Variants in KIAA1549L observed in about 807,000 individuals in gnomAD.
The protein encoded by KIAA1549L is UPF0606 protein KIAA1549L.
A neutral mutation model predicts 160.7 loss-of-function variants in KIAA1549L; 88 were observed. That is an observed-to-expected ratio of 0.55 (90% CI 0.46 to 0.65). KIAA1549L has a LOEUF of 0.65. Among genes scored for constraint, KIAA1549L ranks in the 30% least tolerant of loss-of-function variants. The probability of loss-of-function intolerance (pLI) is 0.00; values close to 1 mark genes in which losing one functional copy is unlikely to be tolerated. For synonymous variants in KIAA1549L, 950 were observed against 976.7 expected, an observed-to-expected ratio of 0.97 and a Z score of 0.51; for missense variants, 2,258 against 2,437.5, an observed-to-expected ratio of 0.93 and a Z score of 1.55.
intron 12 of KIAA1549L, among the ~76,000 whole-genome samples, chr11:33,595,308 C>T (rs990264044): frequency 1.3e-5 from 2 of 152,188 alleles, no homozygotes; most frequent in Non-Finnish European, 2.9e-5. Flanking sequence ...CTCACTGCAA[C>T]CTCTGCCTCC....
chr11:33,564,383 GAC>G (rs1854977350), intron 8 of KIAA1549L, among the ~76,000 whole-genome samples: 1 of 152,198 alleles, frequency 6.6e-6, no homozygotes, highest in South Asian at 2.1e-4. Context: ...ATAAAAGCCT[GAC>G]ATGTTTTCAT....
At chr11:33,455,406 C>T (rs1042673331) in intron 1 of KIAA1549L, among the ~76,000 whole-genome samples, 4 of 152,118 alleles carry the variant, frequency 2.6e-5, no homozygotes, top group African/African-American at 9.7e-5. Flanking sequence ...GCAGAAAATA[C>T]TTTTGGACAT....
chr11:33,480,805 G>T (rs898664845), intron 1 of KIAA1549L, among the ~76,000 whole-genome samples: 2 of 152,192 alleles, frequency 1.3e-5, no homozygotes, highest in East Asian at 1.9e-4. Context: ...TGCCAAGGCT[G>T]GGGGCCTTAT....
intron 10 of KIAA1549L, among the ~76,000 whole-genome samples, chr11:33,579,201 A>G (rs1157906440): frequency 1.3e-5 from 2 of 152,178 alleles, no homozygotes; most frequent in African/African-American, 2.4e-5. Flanking sequence ...AGAGCTACAT[A>G]GGAGATTAAA....
intron 1 of KIAA1549L, among the ~76,000 whole-genome samples, chr11:33,475,806 G>A (rs1852273850): frequency 2.0e-5 from 3 of 152,230 alleles, no homozygotes; most frequent in East Asian, 3.9e-4. Flanking sequence ...GCAGTGAACT[G>A]TGATTGTGCC....
intron 1 of KIAA1549L, among the ~76,000 whole-genome samples, chr11:33,416,786 C>G (rs1850897808): frequency 6.6e-6 from 1 of 152,186 alleles, no homozygotes; most frequent in African/African-American, 2.4e-5. Flanking sequence ...AGCCAACTAA[C>G]TCTTACCAGC....
At chr11:33,553,025 G>A (rs1485040787) in intron 6 of KIAA1549L, among the ~76,000 whole-genome samples, 1 of 152,222 alleles carries the variant, frequency 6.6e-6, no homozygotes, top group Non-Finnish European at 1.5e-5. Context: ...GAGGAAGTAA[G>A]AGATGAGGTT....
At chr11:33,629,463 A>T (rs529952237) in intron 16 of KIAA1549L, among the ~76,000 whole-genome samples, 1 of 151,954 alleles carries the variant, frequency 6.6e-6, no homozygotes, top group Non-Finnish European at 1.5e-5. Flanking sequence ...ATAGTCCCAT[A>T]TTTCTTGGAG....
At chr11:33,492,164 C>T (rs1031419248) in intron 1 of KIAA1549L, among the ~76,000 whole-genome samples, 2 of 152,026 alleles carry the variant, frequency 1.3e-5, no homozygotes, top group Non-Finnish European at 1.5e-5. Context: ...GTCAGGAGTT[C>T]GAGACAAGCC....
intron 18 of KIAA1549L, 60 bp downstream of exon 18, chr11:33,656,169 C>T: frequency 7.7e-7 from 1 of 1,302,758 alleles, no homozygotes; most frequent in African/African-American, 1.5e-5. Flanking sequence ...GTCCTATGTA[C>T]CCTGACCTGA....
intron 14 of KIAA1549L, among the ~76,000 whole-genome samples, chr11:33,608,227 C>T (rs1039978207): frequency 6.6e-6 from 1 of 152,212 alleles, no homozygotes; most frequent in African/African-American, 2.4e-5. Flanking sequence ...AATAGGGCTG[C>T]TGTGAAGATC....
chr11:33,662,150 G>T (rs930479970), intron 20 of KIAA1549L, among the ~76,000 whole-genome samples: 3 of 152,134 alleles, frequency 2.0e-5, no homozygotes, highest in Non-Finnish European at 4.4e-5. Flanking sequence ...CTCATGGCTT[G>T]TAGGATTATT....
chr11:33,380,737 C>T (rs1463567899), intron 1 of KIAA1549L, among the ~76,000 whole-genome samples: 2 of 151,954 alleles, frequency 1.3e-5, no homozygotes, highest in South Asian at 2.1e-4. Flanking sequence ...CTGCATTGGG[C>T]GCATATGTAT....
At chr11:33,401,039 G>A (rs553767549) in intron 1 of KIAA1549L, among the ~76,000 whole-genome samples, 67 of 152,042 alleles carry the variant, frequency 4.4e-4, no homozygotes, top group South Asian at 1.7e-3. Context: ...CATGAGCTGC[G>A]TCCCAGGTCT....
At chr11:33,559,061 C>T (rs1026185276) in intron 6 of KIAA1549L, among the ~76,000 whole-genome samples, 11 of 152,032 alleles carry the variant, frequency 7.2e-5, no homozygotes, top group Admixed American at 2.6e-4. Context: ...TGGTCTTGAA[C>T]TCCCAACCTC....
rs1042399146 is a variant in KIAA1549L, at chr11:33,447,606, T to C, written c.238+70717T>C. ...ATCTAGTCAGTTTTTATTCATTGTA[T>C]ACATGCACATGAACTTGCACACACA... On this transcript the variant is annotated intron_variant, in intron 1 of 20. Transcript: ENST00000658780. 2.9e-5 allele frequency among the ~76,000 whole-genome samples: 4 copies of C among 137,666 alleles called. No homozygotes were observed. In the Admixed American group the frequency reaches 3.1e-4, roughly 11 times the overall value. The allele number at this position is 137,666 out of a possible 152,430, so 90.3% of individuals were successfully genotyped here. A position where few individuals can be genotyped will look rare whatever the true frequency, so the allele number is the denominator to read the frequency against.
At chr11:33,552,587 G>T (rs2133201076) in intron 6 of KIAA1549L, among the ~76,000 whole-genome samples, 2 of 151,414 alleles carry the variant, frequency 1.3e-5, no homozygotes, top group South Asian at 4.2e-4. Flanking sequence ...AAGTCACCAA[G>T]ATTTGCCCGT....
At chr11:33,643,986 A>G (rs1851654447) in intron 16 of KIAA1549L, among the ~76,000 whole-genome samples, 2 of 152,140 alleles carry the variant, frequency 1.3e-5, no homozygotes, top group South Asian at 4.1e-4. Flanking sequence ...GAGCCCCAAT[A>G]TGTCCCCCAG....
At chr11:33,650,646 C>T (rs573895648) in intron 17 of KIAA1549L, among the ~76,000 whole-genome samples, 25 of 152,256 alleles carry the variant, frequency 1.6e-4, no homozygotes, top group African/African-American at 5.5e-4. Context: ...CTCAACACGC[C>T]GTCACCAGAT....
Sources: gnomAD v4.1 joint callset for allele counts (sites outside exome capture counted in the v4.1 genomes callset) on GRCh38, gnomAD v4.1.1 for gene constraint, MANE v1.5 for transcripts, NCBI Gene and HGNC (gene_info 2026-07-23, HGNC 2026-07-21) for gene names.